ASIC2: variants seen among roughly 807,000 people sequenced by gnomAD.
ASIC2 encodes the protein acid sensing ion channel subunit 2.
A neutral mutation model predicts 57.3 loss-of-function variants in ASIC2; 25 were observed. That is an observed-to-expected ratio of 0.44 (90% CI 0.32 to 0.61). The LOEUF (loss-of-function observed/expected upper bound fraction) is 0.61, where lower values mean the gene tolerates loss of function less well. ASIC2 is among the 20% of genes least tolerant of loss of function. The pLI is 0.06. For synonymous variants in ASIC2, 319 were observed against 307.5 expected (o/e 1.04, Z -0.39); for missense variants, 641 against 738.1 (o/e 0.87, Z 1.52).
At chr17:33,498,313 C>A (rs1479016208) in intron 1 of ASIC2, among the ~76,000 whole-genome samples, 1 of 152,216 alleles carries the variant, frequency 6.6e-6, no homozygotes, top group East Asian at 1.9e-4. Flanking sequence ...ACAGTGATTT[C>A]ATCCCCAAAG....
chr17:33,620,715 ATGATTCT>A (rs1905765430), intron 1 of ASIC2, among the ~76,000 whole-genome samples: 1 of 152,216 alleles, frequency 6.6e-6, no homozygotes, highest in Non-Finnish European at 1.5e-5. Flanking sequence ...GGTAGAAAAG[ATGATTCT>A]TGATGAAAGA....
At chr17:33,697,774 G>A (rs1908573043) in intron 1 of ASIC2, among the ~76,000 whole-genome samples, 1 of 152,158 alleles carries the variant, frequency 6.6e-6, no homozygotes, top group Non-Finnish European at 1.5e-5. Context: ...GAAGATGAGT[G>A]GCACCAACTA....
intron 1 of ASIC2, among the ~76,000 whole-genome samples, chr17:34,151,831 T>C (rs1241518401): frequency 2.0e-5 from 3 of 152,140 alleles, no homozygotes; most frequent in Admixed American, 6.5e-5. Context: ...CCTTCACATA[T>C]TTTATGGCAC....
chr17:33,589,026 A>G (rs1218440288), intron 1 of ASIC2, among the ~76,000 whole-genome samples: 1 of 152,254 alleles, frequency 6.6e-6, no homozygotes. Context: ...CACAGTTAAT[A>G]TCTATTTCAT....
chr17:33,339,190 T>A (rs1055888450), intron 1 of ASIC2, among the ~76,000 whole-genome samples: 6 of 152,122 alleles, frequency 3.9e-5, no homozygotes, highest in African/African-American at 9.7e-5. Context: ...CACAGGGTGT[T>A]GGGGAAGGTT....
chr17:34,111,991 AG>A (rs1488881426), intron 1 of ASIC2, among the ~76,000 whole-genome samples: 1 of 152,228 alleles, frequency 6.6e-6, no homozygotes, highest in Non-Finnish European at 1.5e-5. Context: ...TAAAATGCAT[AG>A]CCATATGGAA....
At chr17:33,853,567 C>T (rs1913832988) in intron 1 of ASIC2, among the ~76,000 whole-genome samples, 1 of 152,196 alleles carries the variant, frequency 6.6e-6, no homozygotes, top group Non-Finnish European at 1.5e-5. Context: ...CATCAAGATC[C>T]TGTAAGAGTC....
chr17:33,926,397 T>C (rs1403031269), intron 1 of ASIC2, among the ~76,000 whole-genome samples: 2 of 152,224 alleles, frequency 1.3e-5, no homozygotes, highest in Non-Finnish European at 2.9e-5. Context: ...GATAATGAGA[T>C]ATCTTGGGGA....
intron 1 of ASIC2, among the ~76,000 whole-genome samples, chr17:33,576,790 C>A (rs1021932783): frequency 6.6e-6 from 1 of 151,940 alleles, no homozygotes; most frequent in Non-Finnish European, 1.5e-5. Flanking sequence ...GCACCTGGTT[C>A]TTTGAGTCTC....
chr17:33,934,259 C>T (rs1419990160), intron 1 of ASIC2, among the ~76,000 whole-genome samples: 1 of 152,234 alleles, frequency 6.6e-6, no homozygotes, highest in Non-Finnish European at 1.5e-5. Flanking sequence ...TCTGAGGCCA[C>T]AGCCTTCTCC....
At chr17:33,380,245 CAAAAAAAAAAAA>C (rs10586872) in intron 1 of ASIC2, among the ~76,000 whole-genome samples, 1 of 71,064 alleles carries the variant, frequency 1.4e-5, no homozygotes, top group African/African-American at 5.1e-5. Flanking sequence ...AACCCTGTCT[CAAAAAAAAAAAA>C]AAAAAAAAAA....
At chr17:33,821,352 C>G (rs1400345384) in intron 1 of ASIC2, among the ~76,000 whole-genome samples, 2 of 152,170 alleles carry the variant, frequency 1.3e-5, no homozygotes, top group Non-Finnish European at 2.9e-5. Flanking sequence ...CTAGGGAAAG[C>G]CTTCTCGTCC....
At chr17:33,126,228 T>C (rs1355412378) in intron 1 of ASIC2, among the ~76,000 whole-genome samples, 1 of 152,236 alleles carries the variant, frequency 6.6e-6, no homozygotes, top group African/African-American at 2.4e-5. Flanking sequence ...ACAGGCTTTT[T>C]TACTGAGATG....
chr17:33,197,494 T>A (rs1248466518), intron 1 of ASIC2, among the ~76,000 whole-genome samples: 6 of 152,200 alleles, frequency 3.9e-5, no homozygotes, highest in Non-Finnish European at 7.3e-5. Flanking sequence ...ACACTCTGGG[T>A]CCCTGGAATT....
At chr17:33,846,177 C>G (rs1177251569) in intron 1 of ASIC2, among the ~76,000 whole-genome samples, 1 of 152,170 alleles carries the variant, frequency 6.6e-6, no homozygotes, top group Non-Finnish European at 1.5e-5. Context: ...GCTTTCTGGA[C>G]ATGCTATGGC....
chr17:33,246,504 G>T (rs1458803765), intron 1 of ASIC2, among the ~76,000 whole-genome samples: 2 of 152,202 alleles, frequency 1.3e-5, no homozygotes, highest in Non-Finnish European at 2.9e-5. Context: ...AGGCCTGGCA[G>T]CCAGATCAGT....
intron 3 of ASIC2, among the ~76,000 whole-genome samples, chr17:33,040,103 G>A (rs2091924039): frequency 2.0e-5 from 3 of 152,214 alleles, no homozygotes; most frequent in Admixed American, 2.0e-4. Flanking sequence ...AGTGCCTGAT[G>A]TATACAGATG....
intron 1 of ASIC2, among the ~76,000 whole-genome samples, chr17:34,022,962 G>A (rs558941160): frequency 3.9e-5 from 6 of 152,224 alleles, no homozygotes; most frequent in Non-Finnish European, 8.8e-5. Context: ...TTAAAAGTGT[G>A]TGGCACCTCC....
At chr17:33,069,670 G>T (rs981148063) in intron 3 of ASIC2, among the ~76,000 whole-genome samples, 1 of 151,940 alleles carries the variant, frequency 6.6e-6, no homozygotes, top group East Asian at 1.9e-4. Context: ...CTTTGTTTTT[G>T]ATCAGTGTAA....
Sources: gnomAD v4.1 joint callset for allele counts (sites outside exome capture counted in the v4.1 genomes callset) on GRCh38, gnomAD v4.1.1 for gene constraint, MANE v1.5 for transcripts, NCBI Gene and HGNC (gene_info 2026-07-23, HGNC 2026-07-21) for gene names.